GSDME: variants seen among roughly 807,000 people sequenced by gnomAD.
GSDME encodes gasdermin-E.
Under a neutral mutation model 47.5 loss-of-function variants are expected in GSDME, and 44 were observed. The ratio of observed to expected loss-of-function variants is 0.93; its 90% confidence interval spans 0.73 to 1.19. The LOEUF is 1.19. Ranked by LOEUF, GSDME falls within the 50% of genes most tolerant of loss-of-function variation. The pLI is 0.00. For synonymous variants in GSDME, 258 were observed against 252.8 expected (o/e 1.02, Z -0.20); for missense variants, 663 against 604.2 (o/e 1.10, Z -1.02).
Position 24,708,194 on chromosome 7 carries a change from G to A in GSDME, c.923C>T (p.Thr308Ile). 6.2e-7 allele frequency: 1 copy of A among 1,614,196 alleles called. No homozygotes were observed. The highest frequency in any genetic ancestry group is 8.5e-7 in the Non-Finnish European group (1 of 1,180,022). The stretch of plus-strand genomic sequence containing the variant: ...CGCCTGGAAGATGTCACTCAAAGCT[G>A]TCTGTTGTGGCTCAGGCAGCTCCGC... ...PFAELPEPQQTALSDIFQAVL... is the reference protein window; with the variant it reads ...PFAELPEPQQIALSDIFQAVL... Residue 308 changes from threonine to isoleucine, a missense_variant, in exon 7 of 10, where the codon ACA becomes ATA. Physicochemically the swap from Thr to Ile is moderately conservative, Grantham distance 89. Transcript: ENST00000645220.
rs1170417149 is a variant in GSDME, at chr7:24,714,185, G to A, written c.697+3069C>T. ...ATAAGTGTCTCCTGAGAGGGGAGCT[G>A]TGGGTGAAGGAAAGGGTCTCATTGC... On this transcript the variant is annotated intron_variant, in intron 5 of 9. Coordinates refer to ENST00000645220, the MANE Select transcript of GSDME (RefSeq NM_001127453.2). This position sits in a 1 kb window ranked among gnomAD's most constrained non-coding sequence, Gnocchi z 5.0. Among the ~76,000 whole-genome samples the A allele has an allele frequency of 6.6e-6, 1 of 152,224 alleles. No individual in the cohort carries two copies. Among genetic ancestry groups the A allele is most frequent in the Non-Finnish European group, 1.5e-5 (1 of 68,026 alleles).
the GSDME span, among the ~76,000 whole-genome samples, chr7:24,765,432 G>A: frequency 1.1e-4 from 16 of 152,192 alleles, no homozygotes; most frequent in Non-Finnish European, 4.4e-5. Flanking sequence ...CCTAAAGGTT[G>A]CTCCGGGTAT....
intron 3 of GSDME, among the ~76,000 whole-genome samples, chr7:24,731,792 G>A (rs182146305): frequency 1.3e-5 from 2 of 152,358 alleles, no homozygotes; most frequent in Admixed American, 1.3e-4. Flanking sequence ...AGGAAAAGGT[G>A]TCCCATGTGT....
chr7:24,757,531 G>A (rs1479585677), upstream of GSDME: 1 of 152,032 alleles, frequency 6.6e-6, no homozygotes, highest in African/African-American at 2.4e-5. The surrounding 1 kb of genome is among the most constrained non-coding windows in gnomAD (Gnocchi z 5.9). Context: ...CCTTTGCTCG[G>A]TCCGGGCGCC....
chr7:24,712,933 G>A lies in GSDME; in HGVS notation c.698-2545C>T, dbSNP rs143731840. Among the ~76,000 whole-genome samples the A allele has an allele frequency of 4.8e-3, 732 of 151,532 alleles. 7 individuals carry two copies. The highest frequency in any genetic ancestry group is 0.016 in the African/African-American group (651 of 41,248). ...CTCAGGAGGCTGAGGCAGGAGAATC[G>A]TTTGAACCTGGGAGGCGGAGGTTGT... On this transcript the variant is annotated intron_variant, in intron 5 of 9. Transcript: ENST00000645220. This position sits in a 1 kb window ranked among gnomAD's most constrained non-coding sequence, Gnocchi z 4.4.
chr7:24,719,535 G>C (rs563635726), intron 3 of GSDME, among the ~76,000 whole-genome samples: 1 of 152,164 alleles, frequency 6.6e-6, no homozygotes, highest in Non-Finnish European at 1.5e-5. Flanking sequence ...GCTCACACCT[G>C]TAATCCCAGC....
intron 2 of GSDME, 73 bp downstream of exon 2, chr7:24,749,491 C>G: frequency 8.0e-7 from 1 of 1,255,762 alleles, no homozygotes; most frequent in Non-Finnish European, 1.1e-6. Context: ...GACAGAGACT[C>G]TGTGTCAAAA....
chr7:24,748,143 A>C, intron 2 of GSDME, among the ~76,000 whole-genome samples: 1 of 129,238 alleles, frequency 7.7e-6, no homozygotes, highest in Non-Finnish European at 1.6e-5. Context: ...AATTATATAG[A>C]GTATATATAT....
chr7:24,729,858 C>T (rs1225800977), intron 3 of GSDME, among the ~76,000 whole-genome samples: 8 of 152,298 alleles, frequency 5.3e-5, no homozygotes, highest in Admixed American at 5.2e-4. Context: ...GGGGATCCGA[C>T]TGGCTACCCT....
At position 24,724,102 on chromosome 7, in the gene GSDME, C is replaced by G. The variant is rs1029968135; in HGVS notation, c.405-4884G>C. On this transcript the variant is annotated intron_variant, in intron 3 of 9. Coordinates refer to ENST00000645220, the MANE Select transcript of GSDME (RefSeq NM_001127453.2). The surrounding 1 kb of genome is among the most constrained non-coding windows in gnomAD (Gnocchi z 4.8). ...GCCTCTTGGGTGGGGAACCAGATGGCGGGGAGGGGCTTTTCACCTTTTCTC... is the reference window on the plus strand; with the variant it reads ...GCCTCTTGGGTGGGGAACCAGATGGGGGGGAGGGGCTTTTCACCTTTTCTC... Among the ~76,000 whole-genome samples the G allele has an allele frequency of 6.6e-6, 1 of 150,760 alleles. No individual in the cohort carries two copies. Among genetic ancestry groups the G allele is most frequent in the East Asian group, 1.9e-4 (1 of 5,134 alleles).
the GSDME span, among the ~76,000 whole-genome samples, chr7:24,769,177 C>A: frequency 2.0e-5 from 3 of 152,194 alleles, no homozygotes; most frequent in Admixed American, 2.0e-4. Context: ...CTTGGAGAGA[C>A]AGACATAGAT....
rs1367374673 is a variant in GSDME at position 24,735,940 on chromosome 7, G to T, written c.404+8622C>A. On this transcript the variant is annotated intron_variant, in intron 3 of 9. Coordinates refer to ENST00000645220, the MANE Select transcript of GSDME (RefSeq NM_001127453.2). The surrounding 1 kb of genome is among the most constrained non-coding windows in gnomAD (Gnocchi z 4.4). ...CTTTTTATTTGTTTATGCTAGCAGT[G>T]TTAAGTTGTTATCAGCTTAAAATAA... 6.6e-6 allele frequency among the ~76,000 whole-genome samples: 1 copy of T among 152,104 alleles called. No individual in the cohort carries two copies. The highest frequency in any genetic ancestry group is 1.5e-5 in the Non-Finnish European group (1 of 68,026).
At chr7:24,755,549 C>T (rs1395199195) in intron 1 of GSDME, among the ~76,000 whole-genome samples, 1 of 152,236 alleles carries the variant, frequency 6.6e-6, no homozygotes, top group African/African-American at 2.4e-5. Flanking sequence ...CAGGGTTCCC[C>T]ATGGTGTCCC....
rs376251983 is a variant in GSDME at position 24,736,543 on chromosome 7, A to C, written c.404+8019T>G. On this transcript the variant is annotated intron_variant, in intron 3 of 9. Transcript: ENST00000645220. The surrounding 1 kb of genome is among the most constrained non-coding windows in gnomAD (Gnocchi z 4.6). ...TATAAAGAAAATATTATTAAAGCTA[A>C]AGAGATAGGCCCCCAGTGCAGTAAT... 2.0e-5 allele frequency among the ~76,000 whole-genome samples: 3 copies of C among 152,216 alleles called. No homozygotes were observed. Among genetic ancestry groups the C allele is most frequent in the African/African-American group, 7.2e-5 (3 of 41,464 alleles).
chr7:24,737,948 A>T (rs1790360181), intron 3 of GSDME, among the ~76,000 whole-genome samples: 1 of 152,140 alleles, frequency 6.6e-6, no homozygotes, highest in Admixed American at 6.5e-5. Context: ...CCTTCAAGAT[A>T]AAAAACTGCA....
At chr7:24,768,561 T>C in the GSDME span, among the ~76,000 whole-genome samples, 4 of 152,214 alleles carry the variant, frequency 2.6e-5, no homozygotes, top group African/African-American at 9.7e-5. The surrounding 1 kb of genome is among the most constrained non-coding windows in gnomAD (Gnocchi z 5.6). Context: ...TTATCTCCAG[T>C]AAGTTAAGTG....
rs1789883981 is a variant in GSDME, at chr7:24,724,005, G to C, written c.405-4787C>G. Among the ~76,000 whole-genome samples the C allele has an allele frequency of 6.6e-6, 1 of 151,762 alleles. No individual in the cohort carries two copies. The highest frequency in any genetic ancestry group is 1.5e-5 in the Non-Finnish European group (1 of 67,982). ...AACTTGTCCTGATTTCTTTCCTCTCGGGCCCTGTGAGAGCCACTGAGCAAC... is the reference window on the plus strand; with the variant it reads ...AACTTGTCCTGATTTCTTTCCTCTCCGGCCCTGTGAGAGCCACTGAGCAAC... On this transcript the variant is annotated intron_variant, in intron 3 of 9. Coordinates refer to ENST00000645220, the MANE Select transcript of GSDME (RefSeq NM_001127453.2). The surrounding 1 kb of genome is among the most constrained non-coding windows in gnomAD (Gnocchi z 4.8).
intron 1 of GSDME, among the ~76,000 whole-genome samples, chr7:24,750,800 A>G (rs1790834590): frequency 6.6e-6 from 1 of 152,260 alleles, no homozygotes; most frequent in South Asian, 2.1e-4. Flanking sequence ...AGGCACAGTC[A>G]TACTTTAGCA....
At position 24,744,310 on chromosome 7, in the gene GSDME, A is replaced by G. The variant is rs1790579509; in HGVS notation, c.404+252T>C. 1 of 536,698 alleles carries G rather than the reference A, an allele frequency of 1.9e-6. No homozygotes were observed. Among genetic ancestry groups the G allele is most frequent in the South Asian group, 2.1e-5 (1 of 47,766 alleles). The allele number at this position is 536,698 out of a possible 1,614,324, so 33.2% of individuals were successfully genotyped here. On this transcript the variant is annotated intron_variant, in intron 3 of 9. Coordinates refer to ENST00000645220, the MANE Select transcript of GSDME (RefSeq NM_001127453.2). The surrounding 1 kb of genome is among the most constrained non-coding windows in gnomAD (Gnocchi z 4.5). ...CGCATTTTATAAATCATGTGATTGA[A>G]GGAAGTACATATTTGCCTGAAGTAA...
Sources: allele counts gnomAD v4.1 joint callset (sites outside exome capture counted in the v4.1 genomes callset), GRCh38; gene constraint gnomAD v4.1.1; non-coding constraint Gnocchi (gnomAD v3.1); transcripts MANE v1.5; gene names NCBI Gene and HGNC (gene_info 2026-07-23, HGNC 2026-07-21).